Variants in RASEF observed in about 807,000 individuals in gnomAD.
RASEF encodes the protein ras and EF-hand domain-containing protein.
In RASEF, 68 loss-of-function variants were observed where a neutral mutation model predicts 90.1. That is an observed-to-expected ratio of 0.75 (90% CI 0.62 to 0.92). The LOEUF is 0.92. Ranked by LOEUF, RASEF falls within the 40% of genes least tolerant of loss-of-function variation. The probability of loss-of-function intolerance (pLI) is 0.00; values close to 1 mark genes in which losing one functional copy is unlikely to be tolerated. For synonymous variants in RASEF, 331 were observed against 345.2 expected, an observed-to-expected ratio of 0.96 and a Z score of 0.46; for missense variants, 949 against 937.2, an observed-to-expected ratio of 1.01 and a Z score of -0.16.
At chr9:83,119,002 T>C in the RASEF span, among the ~76,000 whole-genome samples, 1 of 133,546 alleles carries the variant, frequency 7.5e-6, no homozygotes, top group Non-Finnish European at 1.6e-5. Flanking sequence ...TTTTTCTTTT[T>C]CTTTTCTTTT....
chr9:83,152,823 A>G, the RASEF span, among the ~76,000 whole-genome samples: 1 of 152,176 alleles, frequency 6.6e-6, no homozygotes, highest in Admixed American at 6.5e-5. Flanking sequence ...GGTCTTCAGT[A>G]TTGATAGTGC....
intron 12 of RASEF, 133 bp from the exon 13 acceptor site, chr9:82,998,579 T>C: frequency 3.3e-6 from 2 of 613,238 alleles, no homozygotes; most frequent in Non-Finnish European, 5.8e-6. Context: ...AACATGACCT[T>C]TAAGGAGAGT....
chr9:83,150,311 G>A, the RASEF span, among the ~76,000 whole-genome samples: 2 of 152,098 alleles, frequency 1.3e-5, no homozygotes, highest in Non-Finnish European at 2.9e-5. Flanking sequence ...TTGATTACCT[G>A]GAGGTTGAAG....
the RASEF span, among the ~76,000 whole-genome samples, chr9:83,169,755 T>A: frequency 6.6e-6 from 1 of 152,160 alleles, no homozygotes; most frequent in African/African-American, 2.4e-5. Context: ...TTTTGGGAAA[T>A]ATCTATTCAG....
At chr9:83,151,713 A>C in the RASEF span, among the ~76,000 whole-genome samples, 1 of 152,172 alleles carries the variant, frequency 6.6e-6, no homozygotes, top group Non-Finnish European at 1.5e-5. Context: ...ATGCATTTTA[A>C]GAAGACATCA....
intron 1 of RASEF, among the ~76,000 whole-genome samples, chr9:83,026,423 G>A (rs1271068561): frequency 6.6e-6 from 1 of 152,114 alleles, no homozygotes; most frequent in Non-Finnish European, 1.5e-5. Flanking sequence ...GAGGCCTCAG[G>A]AAACTTACAA....
At chr9:83,136,202 T>A in the RASEF span, among the ~76,000 whole-genome samples, 1 of 152,108 alleles carries the variant, frequency 6.6e-6, no homozygotes, top group Non-Finnish European at 1.5e-5. Flanking sequence ...CTTATAGAAT[T>A]CTTTATAGTT....
chr9:83,071,553 A>G, the RASEF span, among the ~76,000 whole-genome samples: 1 of 151,980 alleles, frequency 6.6e-6, no homozygotes, highest in African/African-American at 2.4e-5. Context: ...CCACAGGCGC[A>G]CACCACCACA....
chr9:83,042,767 C>A (rs567136247), intron 1 of RASEF, among the ~76,000 whole-genome samples: 1 of 152,246 alleles, frequency 6.6e-6, no homozygotes, highest in African/African-American at 2.4e-5. Flanking sequence ...CTCTGAGACA[C>A]CCCTGCTTGG....
chr9:83,008,995 T>C (rs914284671), intron 6 of RASEF, among the ~76,000 whole-genome samples: 3 of 144,284 alleles, frequency 2.1e-5, no homozygotes, highest in African/African-American at 7.6e-5. Flanking sequence ...CATAACTCCT[T>C]ATCTAGTTCA....
intron 1 of RASEF, among the ~76,000 whole-genome samples, chr9:83,035,692 C>T (rs1213734860): frequency 1.3e-5 from 2 of 151,718 alleles, no homozygotes; most frequent in Non-Finnish European, 2.9e-5. Flanking sequence ...AGTGTTAGCG[C>T]AAGTAGGTAT....
chr9:83,002,180 GC>G (rs1475860325), intron 9 of RASEF, among the ~76,000 whole-genome samples: 3 of 152,144 alleles, frequency 2.0e-5, no homozygotes, highest in African/African-American at 7.2e-5. Context: ...GGGAGAATGG[GC>G]ACGATACATA....
intron 1 of RASEF, 75 bp from the exon 2 acceptor site, chr9:83,025,996 G>C (rs1829541546): frequency 9.2e-7 from 1 of 1,084,010 alleles, no homozygotes; most frequent in South Asian, 1.8e-5. Flanking sequence ...TTTTAAGAAA[G>C]AGAAACATAA....
At chr9:83,069,611 A>C in the RASEF span, among the ~76,000 whole-genome samples, 1 of 152,154 alleles carries the variant, frequency 6.6e-6, no homozygotes. Flanking sequence ...TGTGAATAAA[A>C]CTGCCTTGAC....
At chr9:83,098,043 G>A in the RASEF span, among the ~76,000 whole-genome samples, 1 of 152,074 alleles carries the variant, frequency 6.6e-6, no homozygotes, top group Non-Finnish European at 1.5e-5. Context: ...CTAAGTAAAC[G>A]ACAAAGCTAC....
At chr9:82,993,940 A>C (rs1029372345) in intron 14 of RASEF, among the ~76,000 whole-genome samples, 1 of 152,214 alleles carries the variant, frequency 6.6e-6, no homozygotes, top group Non-Finnish European at 1.5e-5. Context: ...TGAGAATACA[A>C]GAAGACAACC....
At chr9:83,134,739 A>G in the RASEF span, among the ~76,000 whole-genome samples, 36 of 152,284 alleles carry the variant, frequency 2.4e-4, no homozygotes, top group African/African-American at 7.7e-4. Context: ...ATATGACCCA[A>G]CAATTCCACT....
the RASEF span, among the ~76,000 whole-genome samples, chr9:83,214,334 A>G: frequency 2.0e-5 from 3 of 152,204 alleles, no homozygotes; most frequent in African/African-American, 7.2e-5. Context: ...GGAATGAGTC[A>G]AGATCATGCC....
chr9:83,032,535 G>A (rs1033464078), intron 1 of RASEF, among the ~76,000 whole-genome samples: 1 of 152,202 alleles, frequency 6.6e-6, no homozygotes, highest in Non-Finnish European at 1.5e-5. Flanking sequence ...TACCTAATTT[G>A]TGTCTGAAGA....
Sources: allele counts gnomAD v4.1 joint callset (sites outside exome capture counted in the v4.1 genomes callset), GRCh38; gene constraint gnomAD v4.1.1; transcripts MANE v1.5; gene names NCBI Gene and HGNC (gene_info 2026-07-23, HGNC 2026-07-21).